ELP1: variants seen among roughly 807,000 people sequenced by gnomAD.
ELP1 encodes elongator complex protein 1.
ELP1 carries 131 observed loss-of-function variants against 183.2 expected under a neutral mutation model. The observed-to-expected ratio is 0.72, with a 90% CI of 0.62 to 0.83. The LOEUF (loss-of-function observed/expected upper bound fraction) is 0.83, where lower values mean the gene tolerates loss of function less well. Ranked by LOEUF, ELP1 falls within the 40% of genes least tolerant of loss-of-function variation. The pLI is 0.00. For missense variants in ELP1, 1,550 were observed against 1,594.9 expected (o/e 0.97, Z 0.48); for synonymous variants, 555 against 569.0 (o/e 0.98, Z 0.35).
chr9:108,884,361 A>C (rs972250408), intron 29 of ELP1, among the ~76,000 whole-genome samples: 1 of 152,194 alleles, frequency 6.6e-6, no homozygotes, highest in African/African-American at 2.4e-5. Flanking sequence ...TGAGGAAATC[A>C]ATAAGGATAT....
chr9:108,874,455 T>C (rs946021066), intron 36 of ELP1, among the ~76,000 whole-genome samples: 4 of 152,222 alleles, frequency 2.6e-5, no homozygotes, highest in Non-Finnish European at 5.9e-5. Flanking sequence ...TCAAATTATA[T>C]TGTCAATCCT....
At chr9:108,921,978 C>A (rs1310477337) in intron 6 of ELP1, among the ~76,000 whole-genome samples, 1 of 152,146 alleles carries the variant, frequency 6.6e-6, no homozygotes, top group African/African-American at 2.4e-5. Context: ...GTCCACTTTA[C>A]AGAGAATACT....
intron 13 of ELP1, among the ~76,000 whole-genome samples, chr9:108,907,497 AT>A (rs756580621): frequency 1.3e-5 from 2 of 152,228 alleles, no homozygotes; most frequent in Non-Finnish European, 2.9e-5. Flanking sequence ...TATCACATAT[AT>A]TTAAGAAACA....
chr9:108,923,229 G>A (rs1829716291), intron 5 of ELP1, among the ~76,000 whole-genome samples: 1 of 152,042 alleles, frequency 6.6e-6, no homozygotes, highest in Admixed American at 6.6e-5. Flanking sequence ...AAAATAAGCT[G>A]GACATGATGG....
chr9:108,873,524 C>T (rs1189625170), intron 36 of ELP1, among the ~76,000 whole-genome samples: 1 of 152,148 alleles, frequency 6.6e-6, no homozygotes, highest in Non-Finnish European at 1.5e-5. Context: ...CTTTAAGGCT[C>T]AGCTGGAAAA....
intron 29 of ELP1, among the ~76,000 whole-genome samples, chr9:108,885,243 T>TAA (rs767974075): frequency 6.6e-5 from 10 of 152,018 alleles, no homozygotes; most frequent in Admixed American, 1.3e-4. Context: ...AAACAGTTCA[T>TAA]TCTTTAATAA....
rs774610905 is a variant in ELP1 at position 108,916,225 on chromosome 9, T to C, written c.937A>G (p.Ser313Gly). ...VWLEDLQREE[S>G]SIPKTCVQLW... ...TTACCACAGGTTTTCGGAATGGAGC[T>C]TTCTTCTCTCTGAAGGTCTTCCAGC... The change falls in exon 10 of 37, where the codon AGC becomes GGC. Residue 313 changes from serine (S) to glycine (G), a missense_variant. Physicochemically the swap from Ser to Gly is moderately conservative, Grantham distance 56. Transcript: ENST00000374647. 1 of 1,614,084 alleles carries C rather than the reference T, an allele frequency of 6.2e-7. No individual in the cohort carries two copies. Among genetic ancestry groups the C allele is most frequent in the South Asian group, 1.1e-5 (1 of 91,080 alleles).
rs553279048 is a variant in ELP1, at chr9:108,896,384, C to T, written c.2736+112G>A. 1.9e-5 allele frequency: 18 copies of T among 942,940 alleles called. No individual in the cohort carries two copies. In the South Asian group the frequency reaches 2.0e-4, roughly 11 times the overall value. The allele number at this position is 942,940 out of a possible 1,614,324, so 58.4% of individuals were successfully genotyped here. On this transcript the variant is annotated intron_variant, in intron 25 of 36. Transcript: ENST00000374647. Reference sequence around the variant, plus strand: ...AGAAACTCACAGATCTGTCTCCAGCCCTGCACTCACAGAGTGATAGCAGAA... The same window carrying T: ...AGAAACTCACAGATCTGTCTCCAGCTCTGCACTCACAGAGTGATAGCAGAA...
Position 108,870,860 on chromosome 9 carries a change from T to C in ELP1, c.3932-1678A>G, listed in dbSNP as rs1827423069. Among the ~76,000 whole-genome samples, 3 of 152,326 alleles carry C rather than the reference T, an allele frequency of 2.0e-5. No homozygotes were observed. The East Asian group carries it at 5.8e-4, about 29-fold the overall frequency. ...AATCTTCCTCATTGTCTGGCGCTGGTTTGGAAGTACTCATCTCCATCAAGT... is the reference window on the plus strand; with the variant it reads ...AATCTTCCTCATTGTCTGGCGCTGGCTTGGAAGTACTCATCTCCATCAAGT... On this transcript the variant is annotated intron_variant, in intron 36 of 36. Coordinates refer to ENST00000374647, the MANE Select transcript of ELP1 (RefSeq NM_003640.5).
Position 108,893,076 on chromosome 9 carries a change from C to T in ELP1, c.2868G>A (p.Glu956=). 3 of 1,611,568 alleles carry T rather than the reference C, an allele frequency of 1.9e-6. No individual in the cohort carries two copies. Among genetic ancestry groups the T allele is most frequent in the Non-Finnish European group, 2.5e-6 (3 of 1,177,766 alleles). The change falls in exon 27 of 37, where the codon GAG becomes GAA. Residue 956 remains glutamate, a synonymous_variant. Coordinates refer to ENST00000374647, the MANE Select transcript of ELP1 (RefSeq NM_003640.5). The part of the protein sequence containing the change: ...AIGHLSKCGP[E]YFPECLNLIK... Reference sequence around the variant, plus strand: ...TCAAGTTTAAGCATTCTGGGAAGTACTCAGGTCCTGCAGGAAAAAGATTCA... The same window carrying T: ...TCAAGTTTAAGCATTCTGGGAAGTATTCAGGTCCTGCAGGAAAAAGATTCA...
In ELP1 at chr9:108,868,809, T is replaced by A; in HGVS notation, c.*306A>T. 1.7e-6 allele frequency: 1 copy of A among 579,116 alleles called. No homozygotes were observed. The highest frequency in any genetic ancestry group is 3.1e-6 in the Non-Finnish European group (1 of 326,302). The allele number at this position is 579,116 out of a possible 1,614,324, so 35.9% of individuals were successfully genotyped here. Reference sequence around the variant, plus strand: ...CTTCACACTTTGGAGGTAGAAATCATGAAACATTAATCTCATGATTACCAT... The same window carrying A: ...CTTCACACTTTGGAGGTAGAAATCAAGAAACATTAATCTCATGATTACCAT... On this transcript the variant is annotated 3_prime_UTR_variant, in exon 37 of 37. Coordinates refer to ENST00000374647, the MANE Select transcript of ELP1 (RefSeq NM_003640.5).
At chr9:108,888,269 G>A (rs895138454) in intron 29 of ELP1, among the ~76,000 whole-genome samples, 1 of 152,160 alleles carries the variant, frequency 6.6e-6, no homozygotes, top group African/African-American at 2.4e-5. Flanking sequence ...ACTGCAAAAG[G>A]GGAAGTAGGG....
At chr9:108,890,458 A>T (rs972061203) in intron 28 of ELP1, among the ~76,000 whole-genome samples, 1 of 152,154 alleles carries the variant, frequency 6.6e-6, no homozygotes, top group African/African-American at 2.4e-5. Flanking sequence ...AACAATATTT[A>T]CAAGTTAGGG....
intron 18 of ELP1, among the ~76,000 whole-genome samples, chr9:108,901,070 G>A (rs890357978): frequency 4.7e-4 from 72 of 152,234 alleles, no homozygotes; most frequent in Non-Finnish European, 7.8e-4. Context: ...GTACAGTGGA[G>A]GGTGGGCACA....
chr9:108,896,973 T>G lies in ELP1; in HGVS notation c.2567A>C (p.Gln856Pro), dbSNP rs142186193. The G allele has an allele frequency of 3.1e-6, 5 of 1,613,898 alleles. No homozygotes were observed. The highest frequency in any genetic ancestry group is 4.2e-6 in the Non-Finnish European group (5 of 1,179,882). Residue 856 changes from glutamine to proline, a missense_variant, in exon 24 of 37, where the codon CAA becomes CCA. Gln to Pro is a moderately conservative substitution (Grantham distance 76, BLOSUM62 -1). Transcript: ENST00000374647. ...TCTACCTTGAAGCTCGTGTACTTTTTGCAGTACAATTTCCAGTTCTGGGGT... is the reference window on the plus strand; with the variant it reads ...TCTACCTTGAAGCTCGTGTACTTTTGGCAGTACAATTTCCAGTTCTGGGGT... ...KTTPELEIVL[Q>P]KVHELQGNAP...
rs544033809 is a variant in ELP1, at chr9:108,925,007, T to G, written c.466+1516A>C. ...ATTCTAAAAAAGTTTCCCAGCTAAT[T>G]CTAAAAAATGTACTCCCATCCTCAT... On this transcript the variant is annotated intron_variant, in intron 5 of 36. Coordinates refer to ENST00000374647, the MANE Select transcript of ELP1 (RefSeq NM_003640.5). Among the ~76,000 whole-genome samples, 15 of 152,292 alleles carry G rather than the reference T, an allele frequency of 9.8e-5. No individual in the cohort carries two copies. The East Asian group carries it at 2.7e-3, about 27-fold the overall frequency.
intron 35 of ELP1, chr9:108,875,639 A>C: frequency 2.8e-6 from 1 of 352,110 alleles, no homozygotes; most frequent in South Asian, 2.2e-5. Context: ...TTACACCTGT[A>C]ATCTCAGCAC....
chr9:108,930,942 A>G (rs1829983646), intron 2 of ELP1, 55 bp downstream of exon 2: 2 of 1,572,482 alleles, frequency 1.3e-6, no homozygotes, highest in Non-Finnish European at 1.8e-6. Flanking sequence ...GAAATTTGGA[A>G]GAAGAGAAAT....
intron 3 of ELP1, among the ~76,000 whole-genome samples, chr9:108,927,926 A>C (rs1829871245): frequency 6.6e-6 from 1 of 152,206 alleles, no homozygotes; most frequent in Non-Finnish European, 1.5e-5. Context: ...TGGGATGGTT[A>C]ATAGGTACAA....
Sources: allele counts gnomAD v4.1 joint callset (sites outside exome capture counted in the v4.1 genomes callset), GRCh38; gene constraint gnomAD v4.1.1; transcripts MANE v1.5; gene names NCBI Gene and HGNC (gene_info 2026-07-23, HGNC 2026-07-21).